GPR137C: variants seen among roughly 807,000 people sequenced by gnomAD.
The protein encoded by GPR137C is integral membrane protein GPR137C.
Under a neutral mutation model 43.4 loss-of-function variants are expected in GPR137C, and 27 were observed. The ratio of observed to expected loss-of-function variants is 0.62; its 90% CI spans 0.46 to 0.86. The LOEUF is 0.86. GPR137C is among the 40% of genes least tolerant of loss of function. GPR137C has a pLI of 0.00. For synonymous variants in GPR137C, 285 were observed against 226.9 expected (o/e 1.26, Z -2.30); for missense variants, 522 against 534.6 (o/e 0.98, Z 0.23).
At chr14:52,559,266 C>T (rs997757631) in intron 1 of GPR137C, among the ~76,000 whole-genome samples, 14 of 151,980 alleles carry the variant, frequency 9.2e-5, no homozygotes, top group African/African-American at 3.4e-4. Context: ...GTTCCAGCTA[C>T]CCGGGAAGAG....
chr14:52,578,503 A>G (rs1209014517), intron 1 of GPR137C, among the ~76,000 whole-genome samples: 2 of 152,078 alleles, frequency 1.3e-5, no homozygotes, highest in African/African-American at 2.4e-5. Flanking sequence ...GTTTTTGTTC[A>G]TGAGCTCCAT....
intron 1 of GPR137C, among the ~76,000 whole-genome samples, chr14:52,575,456 T>G (rs1028696495): frequency 2.6e-5 from 4 of 152,212 alleles, no homozygotes; most frequent in African/African-American, 9.6e-5. Context: ...TAAAGTTACC[T>G]AACAATCTGA....
rs569505306 is a variant in GPR137C, at chr14:52,611,967, A to C, written c.717+11626A>C. On this transcript the variant is annotated intron_variant, in intron 3 of 6. Transcript: ENST00000321662. ...TATAGAATAGGCTTGTTCTTACAAA[A>C]CTTGGAAAAATCCTTTCATTACCCA... is the stretch of plus-strand genomic sequence containing the variant. 2.6e-5 allele frequency: 26 copies of C among 985,328 alleles called. No homozygotes were observed. In the East Asian group the frequency reaches 2.5e-3, roughly 95 times the overall value. 61.0% of individuals were successfully genotyped at this position (985,328 alleles called of 1,614,324 possible). A position where few individuals can be genotyped will look rare whatever the true frequency, so the allele number is the denominator to read the frequency against.
intron 3 of GPR137C, among the ~76,000 whole-genome samples, chr14:52,617,269 A>G (rs1419439973): frequency 1.3e-5 from 2 of 152,128 alleles, no homozygotes; most frequent in African/African-American, 4.8e-5. Context: ...TCTCTTGTGC[A>G]GTGAGAGTGG....
chr14:52,578,590 C>A (rs1416167592), intron 1 of GPR137C, among the ~76,000 whole-genome samples: 2 of 152,058 alleles, frequency 1.3e-5, no homozygotes, highest in Non-Finnish European at 2.9e-5. Context: ...GCATTGATCT[C>A]TTTTATTAAA....
intron 1 of GPR137C, among the ~76,000 whole-genome samples, chr14:52,591,795 A>G (rs988758457): frequency 5.9e-5 from 9 of 152,082 alleles, no homozygotes; most frequent in Middle Eastern, 3.2e-3. Context: ...CTCTGATGAC[A>G]GTTTCTTTTG....
At chr14:52,611,744 A>G (rs1173022613) in intron 3 of GPR137C, 1 of 357,056 alleles carries the variant, frequency 2.8e-6, no homozygotes, top group Non-Finnish European at 3.9e-6. Flanking sequence ...GATTTAAATC[A>G]GAGATCTGCC....
intron 1 of GPR137C, among the ~76,000 whole-genome samples, chr14:52,590,513 AACTC>A (rs964544706): frequency 1.1e-4 from 16 of 152,338 alleles, no homozygotes; most frequent in Admixed American, 9.8e-4. Flanking sequence ...ACTTACCACT[AACTC>A]ACTGACTCAC....
chr14:52,625,357 C>G (rs897737168), intron 3 of GPR137C, among the ~76,000 whole-genome samples: 2 of 151,294 alleles, frequency 1.3e-5, no homozygotes, highest in Admixed American at 1.3e-4. Context: ...TGGCGCGCAC[C>G]TGTACTCGCT....
intron 3 of GPR137C, among the ~76,000 whole-genome samples, chr14:52,614,962 G>A (rs1054125691): frequency 3.9e-5 from 6 of 152,052 alleles, no homozygotes; most frequent in African/African-American, 1.2e-4. Flanking sequence ...TTTTTAACTC[G>A]ATAGGATCCA....
chr14:52,568,443 C>T (rs971742633), intron 1 of GPR137C, among the ~76,000 whole-genome samples: 1 of 151,870 alleles, frequency 6.6e-6, no homozygotes, highest in Admixed American at 6.5e-5. Context: ...ACCTGGAACA[C>T]CAGCGAAACA....
chr14:52,613,976 G>C (rs1262318767), intron 3 of GPR137C, among the ~76,000 whole-genome samples: 2 of 152,110 alleles, frequency 1.3e-5, no homozygotes, highest in African/African-American at 2.4e-5. Context: ...CACCAACAGT[G>C]TCCAAGGTTC....
intron 3 of GPR137C, among the ~76,000 whole-genome samples, chr14:52,606,186 T>C (rs2038981752): frequency 6.6e-6 from 1 of 152,154 alleles, no homozygotes; most frequent in Admixed American, 6.5e-5. Context: ...TGCTTTTTCT[T>C]TGTTGGGGGA....
intron 3 of GPR137C, among the ~76,000 whole-genome samples, chr14:52,606,118 G>A (rs1388228945): frequency 6.6e-6 from 1 of 152,120 alleles, no homozygotes; most frequent in African/African-American, 2.4e-5. Context: ...GAGCAGAATT[G>A]GTATTAGTTC....
At chr14:52,614,247 A>G (rs929796259) in intron 3 of GPR137C, among the ~76,000 whole-genome samples, 15 of 150,532 alleles carry the variant, frequency 1.0e-4, no homozygotes, top group African/African-American at 3.2e-4. Context: ...CAGCCTCCCT[A>G]TTAGCTGGTA....
intron 1 of GPR137C, among the ~76,000 whole-genome samples, chr14:52,566,724 C>T (rs1287373112): frequency 6.6e-6 from 1 of 152,166 alleles, no homozygotes; most frequent in Non-Finnish European, 1.5e-5. Context: ...AATTAACAGG[C>T]TAGAATCAGT....
At chr14:52,565,250 G>A (rs551584250) in intron 1 of GPR137C, among the ~76,000 whole-genome samples, 1 of 152,148 alleles carries the variant, frequency 6.6e-6, no homozygotes, top group Non-Finnish European at 1.5e-5. Context: ...AACTTTTGTG[G>A]ATCAAACCGA....
chr14:52,564,667 T>G (rs2139444239), intron 1 of GPR137C, among the ~76,000 whole-genome samples: 1 of 152,276 alleles, frequency 6.6e-6, no homozygotes, highest in South Asian at 2.1e-4. Flanking sequence ...GTTGGAATTT[T>G]ATATTTGTGT....
chr14:52,616,607 C>T (rs1332381111), intron 3 of GPR137C, among the ~76,000 whole-genome samples: 2 of 151,956 alleles, frequency 1.3e-5, no homozygotes, highest in Non-Finnish European at 1.5e-5. Flanking sequence ...TTAGGTTCCT[C>T]GTCTTCCACA....
Sources: gnomAD v4.1 joint callset for allele counts (sites outside exome capture counted in the v4.1 genomes callset) on GRCh38, gnomAD v4.1.1 for gene constraint, MANE v1.5 for transcripts, NCBI Gene and HGNC (gene_info 2026-07-23, HGNC 2026-07-21) for gene names.